Variants in RBFOX1 observed in about 807,000 individuals in gnomAD.
RBFOX1 encodes the protein RNA binding fox-1 homolog 1.
In RBFOX1, 8 loss-of-function variants were observed where a neutral mutation model predicts 57.7. The ratio of observed to expected loss-of-function variants is 0.14; its 90% CI spans 0.08 to 0.25. The LOEUF (loss-of-function observed/expected upper bound fraction) is 0.25. RBFOX1 is among the 10% of genes least tolerant of loss of function. The pLI is 1.00. For missense variants in RBFOX1, 611 were observed against 548.5 expected, an observed-to-expected ratio of 1.11 and a Z score of -1.14; for synonymous variants, 326 against 222.4, an observed-to-expected ratio of 1.47 and a Z score of -4.15.
chr16:6,175,439 A>C (rs906078668), intron 1 of RBFOX1, among the ~76,000 whole-genome samples: 1 of 152,010 alleles, frequency 6.6e-6, no homozygotes, highest in Non-Finnish European at 1.5e-5. Context: ...TAGAGACACT[A>C]ATTTTGGCTT....
chr16:7,666,071 C>T (rs1262432580), intron 13 of RBFOX1, among the ~76,000 whole-genome samples: 2 of 152,074 alleles, frequency 1.3e-5, no homozygotes, highest in African/African-American at 4.8e-5. Context: ...CAATTTTCTT[C>T]TTTTTTGTGG....
intron 2 of RBFOX1, among the ~76,000 whole-genome samples, chr16:5,470,280 A>T (rs2069090261): frequency 6.6e-6 from 1 of 152,172 alleles, no homozygotes; most frequent in Non-Finnish European, 1.5e-5. Flanking sequence ...AGAAGGGGGT[A>T]GGAGATCGAG....
intron 1 of RBFOX1, among the ~76,000 whole-genome samples, chr16:5,352,255 A>G (rs561918821): frequency 6.6e-6 from 1 of 152,140 alleles, no homozygotes; most frequent in Non-Finnish European, 1.5e-5. Flanking sequence ...TGGCTGGGAG[A>G]TGCTATGAAC....
chr16:5,757,530 G>T (rs950343542), intron 3 of RBFOX1, among the ~76,000 whole-genome samples: 3 of 152,008 alleles, frequency 2.0e-5, no homozygotes, highest in African/African-American at 4.8e-5. Flanking sequence ...ACACCCAGCC[G>T]GGTGGGAAGC....
At chr16:5,987,308 A>C (rs1596349869) in intron 4 of RBFOX1, among the ~76,000 whole-genome samples, 2 of 152,086 alleles carry the variant, frequency 1.3e-5, no homozygotes, top group Non-Finnish European at 2.9e-5. Flanking sequence ...TATGTGGTTT[A>C]CAAATATTTT....
chr16:6,973,778 A>G (rs1190151747), intron 3 of RBFOX1, among the ~76,000 whole-genome samples: 4 of 152,014 alleles, frequency 2.6e-5, no homozygotes, highest in African/African-American at 2.4e-5. Flanking sequence ...GTAGTTTTTA[A>G]TTTTTATTTT....
chr16:6,360,172 C>A (rs1044487811), intron 2 of RBFOX1, among the ~76,000 whole-genome samples: 4 of 151,834 alleles, frequency 2.6e-5, no homozygotes, highest in African/African-American at 9.7e-5. Context: ...TCAGCCTGTA[C>A]CTTGTAATGA....
intron 4 of RBFOX1, among the ~76,000 whole-genome samples, chr16:7,340,041 C>G (rs921690228): frequency 6.6e-5 from 10 of 152,178 alleles, no homozygotes; most frequent in Non-Finnish European, 1.3e-4. Flanking sequence ...AGATTGCAGT[C>G]TCATTGGTAG....
intron 3 of RBFOX1, among the ~76,000 whole-genome samples, chr16:5,665,364 A>G (rs1196297652): frequency 6.6e-6 from 1 of 151,750 alleles, no homozygotes; most frequent in East Asian, 1.9e-4. Context: ...GGCTTTAAGG[A>G]CATCCTATCT....
chr16:7,372,324 C>A (rs904384544), intron 4 of RBFOX1, among the ~76,000 whole-genome samples: 17 of 152,178 alleles, frequency 1.1e-4, no homozygotes, highest in Non-Finnish European at 1.9e-4. Flanking sequence ...CTAAAGGACA[C>A]AGTGTTCACC....
At chr16:7,698,022 G>A (rs146805933) in intron 14 of RBFOX1, among the ~76,000 whole-genome samples, 23 of 152,248 alleles carry the variant, frequency 1.5e-4, no homozygotes, top group South Asian at 2.1e-4. Context: ...AGCATGTTGC[G>A]TATTAGGGAA....
At chr16:7,683,571 A>G (rs1358677706) in intron 14 of RBFOX1, among the ~76,000 whole-genome samples, 2 of 152,156 alleles carry the variant, frequency 1.3e-5, no homozygotes, top group East Asian at 3.9e-4. Flanking sequence ...TAGCTGTCAC[A>G]GCCACGTGGG....
chr16:6,681,952 A>G (rs1192511700), intron 3 of RBFOX1, among the ~76,000 whole-genome samples: 1 of 152,182 alleles, frequency 6.6e-6, no homozygotes, highest in African/African-American at 2.4e-5. Flanking sequence ...TTTGATATTA[A>G]TATCTTTCTT....
intron 9 of RBFOX1, among the ~76,000 whole-genome samples, chr16:7,604,791 G>T (rs1296110862): frequency 6.6e-6 from 1 of 152,124 alleles, no homozygotes; most frequent in African/African-American, 2.4e-5. Context: ...TCACTGATAA[G>T]TATACCTTCA....
rs2074169952 is a variant in RBFOX1 at position 7,142,993 on chromosome 16, G to A, written c.27+90895G>A. On this transcript the variant is annotated intron_variant, in intron 4 of 15. Coordinates refer to ENST00000550418, the MANE Select transcript of RBFOX1 (RefSeq NM_018723.4). Reference sequence around the variant, plus strand: ...CCTTGAGATATGACTCCAAAATTGGGACTGGGTGGTTGAGAGTGCTTTAGG... The same window carrying A: ...CCTTGAGATATGACTCCAAAATTGGAACTGGGTGGTTGAGAGTGCTTTAGG... 5.9e-5 allele frequency among the ~76,000 whole-genome samples: 9 copies of A among 151,850 alleles called. 1 individual carries two copies. In the South Asian group the frequency reaches 1.9e-3, roughly 32 times the overall value.
chr16:6,802,292 G>T lies in RBFOX1; in HGVS notation c.-16+147642G>T, dbSNP rs890881497. On this transcript the variant is annotated intron_variant, in intron 3 of 15. Coordinates refer to ENST00000550418, the MANE Select transcript of RBFOX1 (RefSeq NM_018723.4). Reference sequence around the variant, plus strand: ...GTGGAGGCCTGTGTTAGTGAGACCTGATTTGCCACACAGGGTCCTGTTGTG... The same window carrying T: ...GTGGAGGCCTGTGTTAGTGAGACCTTATTTGCCACACAGGGTCCTGTTGTG... Among the ~76,000 whole-genome samples, 9 of 152,128 alleles carry T rather than the reference G, an allele frequency of 5.9e-5. 1 individual carries two copies. Among genetic ancestry groups the T allele is most frequent in the Non-Finnish European group, 1.2e-4 (8 of 68,030 alleles).
At chr16:5,526,995 G>A (rs2044274342) in intron 2 of RBFOX1, among the ~76,000 whole-genome samples, 1 of 152,216 alleles carries the variant, frequency 6.6e-6, no homozygotes, top group African/African-American at 2.4e-5. Context: ...GAGGCTTAAA[G>A]GGATTAATGA....
intron 2 of RBFOX1, among the ~76,000 whole-genome samples, chr16:6,494,493 T>A (rs2095711678): frequency 2.6e-5 from 4 of 152,220 alleles, no homozygotes; most frequent in Admixed American, 2.0e-4. Flanking sequence ...GGGATGGGCT[T>A]ATTGACTCAT....
intron 2 of RBFOX1, among the ~76,000 whole-genome samples, chr16:6,462,987 T>G (rs1192659933): frequency 6.6e-6 from 1 of 152,226 alleles, no homozygotes; most frequent in Non-Finnish European, 1.5e-5. Context: ...GTGAAACTTG[T>G]GATAAACACA....
Sources: gnomAD v4.1 joint callset for allele counts (sites outside exome capture counted in the v4.1 genomes callset) on GRCh38, gnomAD v4.1.1 for gene constraint, MANE v1.5 for transcripts, NCBI Gene and HGNC (gene_info 2026-07-23, HGNC 2026-07-21) for gene names.